C1QTNF2: variants seen among roughly 807,000 people sequenced by gnomAD.
C1QTNF2 encodes the protein C1q and TNF related 2, also known as complement C1q tumor necrosis factor-related protein 2.
A neutral mutation model predicts 17.4 loss-of-function variants in C1QTNF2; 15 were observed. That is an observed-to-expected ratio of 0.86 (90% CI 0.58 to 1.33). The LOEUF (loss-of-function observed/expected upper bound fraction) is 1.33. Ranked by LOEUF, C1QTNF2 falls within the 40% of genes most tolerant of loss-of-function variation. The probability of loss-of-function intolerance (pLI) is 0.00; values close to 1 mark genes in which losing one functional copy is unlikely to be tolerated. For missense variants in C1QTNF2, 381 were observed against 392.3 expected (o/e 0.97, Z 0.24); for synonymous variants, 154 against 163.3 (o/e 0.94, Z 0.44).
chr5:160,367,915 A>AT (rs1296303432), intron 1 of C1QTNF2, among the ~76,000 whole-genome samples: 106 of 152,320 alleles, frequency 7.0e-4, no homozygotes, highest in African/African-American at 2.5e-3. Context: ...TTTGATGTTC[A>AT]TATCTCCTTT....
chr5:160,368,797 G>A (rs1042848982), intron 1 of C1QTNF2, among the ~76,000 whole-genome samples: 1 of 133,048 alleles, frequency 7.5e-6, no homozygotes, highest in Non-Finnish European at 1.7e-5. Context: ...TAGCGAGACA[G>A]GGGGGAGGAA....
At chr5:160,364,040 A>C (rs1047795156) in intron 1 of C1QTNF2, among the ~76,000 whole-genome samples, 4 of 152,262 alleles carry the variant, frequency 2.6e-5, no homozygotes, top group Non-Finnish European at 4.4e-5. Context: ...AAAAAAGTAA[A>C]AAAGAAACAG....
chr5:160,370,573 G>T lies in C1QTNF2; in HGVS notation c.-71C>A. The T allele has an allele frequency of 6.9e-7, 1 of 1,445,576 alleles. No individual in the cohort carries two copies. The allele number at this position is 1,445,576 out of a possible 1,614,324, so 89.5% of individuals were successfully genotyped here. On this transcript the variant is annotated 5_prime_UTR_variant, in exon 1 of 3. Transcript: ENST00000652664. The stretch of plus-strand genomic sequence containing the variant: ...GCAAAGAAGCTCTCGGCGGGGCTCC[G>T]CGTCCCGGCTTTCCTCAGCGGCAGC...
chr5:160,367,506 C>T (rs867554416), intron 1 of C1QTNF2, among the ~76,000 whole-genome samples: 6 of 152,074 alleles, frequency 3.9e-5, no homozygotes, highest in South Asian at 4.1e-4. Flanking sequence ...TGAGTGGTGT[C>T]GTTACATTAA....
chr5:160,349,428 C>T lies in C1QTNF2; in HGVS notation c.598G>A (p.Asp200Asn), dbSNP rs752487351. The T allele has an allele frequency of 1.5e-5, 25 of 1,613,960 alleles. No individual in the cohort carries two copies. The highest frequency in any genetic ancestry group is 1.3e-4 in the South Asian group (12 of 91,078). Residue 200 changes from aspartate (D) to asparagine (N), a missense_variant, in exon 3 of 3, where the codon GAC becomes AAC. By Grantham distance (23) the Asp-to-Asn change is conservative. Coordinates refer to ENST00000652664, the MANE Select transcript of C1QTNF2 (RefSeq NM_031908.6). This position sits in a 1 kb window ranked among gnomAD's most constrained non-coding sequence, Gnocchi z 4.3. ...AGGTGCTTGTTGGCCAGCGTGATGT[C>T]GTAGGTGAAGTAGTAGATCCCAGGC... ...GVPGIYYFTY[D>N]ITLANKHLAI...
At chr5:160,368,739 A>G (rs1045039735) in intron 1 of C1QTNF2, among the ~76,000 whole-genome samples, 1 of 152,106 alleles carries the variant, frequency 6.6e-6, no homozygotes, top group African/African-American at 2.4e-5. Context: ...AGTGATTGAG[A>G]CAGCAGGAGA....
intron 1 of C1QTNF2, among the ~76,000 whole-genome samples, chr5:160,368,302 G>A (rs1370981392): frequency 1.3e-5 from 2 of 152,160 alleles, no homozygotes; most frequent in Non-Finnish European, 2.9e-5. Context: ...GGGAGGCCGA[G>A]GCGGGCGGAT....
chr5:160,354,166 T>C (rs1763981137), intron 2 of C1QTNF2, among the ~76,000 whole-genome samples: 1 of 152,164 alleles, frequency 6.6e-6, no homozygotes, highest in Non-Finnish European at 1.5e-5. Context: ...TTTCTGTCAC[T>C]TGCAATTATC....
intron 1 of C1QTNF2, chr5:160,355,403 TA>T (rs1327521885): frequency 4.0e-6 from 1 of 250,818 alleles, no homozygotes; most frequent in African/African-American, 2.3e-5. Flanking sequence ...AATAGAAAGT[TA>T]CAGTTCTACA....
rs779883663 is a variant in C1QTNF2 at position 160,354,888 on chromosome 5, G to C, written c.124C>G (p.Gln42Glu). The C allele has an allele frequency of 1.8e-5, 29 of 1,605,510 alleles. No individual in the cohort carries two copies. The East Asian group carries it at 6.3e-4, about 35-fold the overall frequency. Residue 42 changes from glutamine (Q) to glutamate (E), a missense_variant, in exon 2 of 3, where the codon CAG (glutamine) becomes GAG (glutamate). Gln to Glu is a conservative substitution (Grantham distance 29). Transcript: ENST00000652664. ...GCTCCTGGGGGGCCGGGTGGGCCCT[G>C]GGGGCCAGGCAGGCTGCAGACCAGT... ...PQLVCSLPGP[Q>E]GPPGPPGAPG...
rs769057688 is a variant in C1QTNF2, at chr5:160,349,385, T to C, written c.641A>G (p.His214Arg). 4.3e-6 allele frequency: 7 copies of C among 1,614,142 alleles called. No homozygotes were observed. Among genetic ancestry groups the C allele is most frequent in the Middle Eastern group, 1.6e-4 (1 of 6,062 alleles). Reference protein sequence around the residue: ...ANKHLAIGLVHNGQYRIRTFD... With the variant: ...ANKHLAIGLVRNGQYRIRTFD... ...GGTCCGGATGCGGTACTGGCCGTTG[T>C]GCACCAGGCCGATGGCCAGGTGCTT... Residue 214 changes from histidine to arginine, a missense_variant, in exon 3 of 3, where the codon CAC (histidine) becomes CGC (arginine). His to Arg is a conservative substitution (Grantham distance 29, BLOSUM62 0). Coordinates refer to ENST00000652664, the MANE Select transcript of C1QTNF2 (RefSeq NM_031908.6). This position sits in a 1 kb window ranked among gnomAD's most constrained non-coding sequence, Gnocchi z 4.3.
chr5:160,354,918 G>A lies in C1QTNF2; in HGVS notation c.94C>T (p.Pro32Ser). 1 of 1,600,732 alleles carries A rather than the reference G, an allele frequency of 6.2e-7. No individual in the cohort carries two copies. The highest frequency in any genetic ancestry group is 8.5e-7 in the Non-Finnish European group (1 of 1,174,080). The stretch of plus-strand genomic sequence containing the variant: ...CCAGGCAGGCTGCAGACCAGTTGAG[G>A]GGAGCCTTTCCGGAAGTCCCTGCGA... Reference protein sequence around the residue: ...FARRDFRKGSPQLVCSLPGPQ... With the variant: ...FARRDFRKGSSQLVCSLPGPQ... Residue 32 changes from proline to serine, a missense_variant, in exon 2 of 3, where the codon CCT becomes TCT. Transcript: ENST00000652664.
intron 1 of C1QTNF2, among the ~76,000 whole-genome samples, chr5:160,368,699 C>A (rs1243099796): frequency 2.0e-5 from 3 of 152,036 alleles, no homozygotes; most frequent in Non-Finnish European, 1.5e-5. Flanking sequence ...TCTGTTACCC[C>A]ACAGTGAACA....
In C1QTNF2 at chr5:160,347,850, C is replaced by A. The variant is rs1020901799; in HGVS notation, c.*1318G>T. 6.6e-6 allele frequency: 1 copy of A among 151,644 alleles called. No individual in the cohort carries two copies. Among genetic ancestry groups the A allele is most frequent in the Non-Finnish European group, 1.5e-5 (1 of 67,962 alleles). 9.4% of individuals were successfully genotyped at this position (151,644 alleles called of 1,614,324 possible). Reference sequence around the variant, plus strand: ...TCTCAGCTAACTGCAACCTCCACCTCCTGGGTTCAAGCGATTCTCCCGCCT... The same window carrying A: ...TCTCAGCTAACTGCAACCTCCACCTACTGGGTTCAAGCGATTCTCCCGCCT... On this transcript the variant is annotated 3_prime_UTR_variant, in exon 3 of 3. Coordinates refer to ENST00000652664, the MANE Select transcript of C1QTNF2 (RefSeq NM_031908.6).
At chr5:160,359,950 A>AC (rs951429493) in intron 1 of C1QTNF2, among the ~76,000 whole-genome samples, 9 of 97,494 alleles carry the variant, frequency 9.2e-5, no homozygotes, top group African/African-American at 1.1e-4. Context: ...CCCAGCACCC[A>AC]CCCCCCCTAC....
intron 1 of C1QTNF2, among the ~76,000 whole-genome samples, chr5:160,362,637 A>C (rs1254849764): frequency 6.6e-6 from 1 of 152,118 alleles, no homozygotes; most frequent in Admixed American, 6.5e-5. Flanking sequence ...TCCCCAGCCC[A>C]CCGGTATTAT....
Position 160,349,724 on chromosome 5 carries a change from G to A in C1QTNF2, c.302C>T (p.Ala101Val), listed in dbSNP as rs766381466. 6.4e-7 allele frequency: 1 copy of A among 1,562,462 alleles called. No individual in the cohort carries two copies. The highest frequency in any genetic ancestry group is 2.2e-5 in the East Asian group (1 of 44,724). Reference sequence around the variant, plus strand: ...GCCACGGGGGCCAGCCCGCCCAATGGCCCCGGCTTTGCCCTTTGGTCCTGG... The same window carrying A: ...GCCACGGGGGCCAGCCCGCCCAATGACCCCGGCTTTGCCCTTTGGTCCTGG... ...GKPGPKGKAG[A>V]IGRAGPRGPK... Residue 101 changes from alanine to valine, a missense_variant, in exon 3 of 3, where the codon GCC becomes GTC. Physicochemically the swap from Ala to Val is moderately conservative, Grantham distance 64. Coordinates refer to ENST00000652664, the MANE Select transcript of C1QTNF2 (RefSeq NM_031908.6). This position sits in a 1 kb window ranked among gnomAD's most constrained non-coding sequence, Gnocchi z 4.3.
intron 1 of C1QTNF2, among the ~76,000 whole-genome samples, chr5:160,365,022 C>T (rs1442654214): frequency 6.6e-6 from 1 of 152,188 alleles, no homozygotes; most frequent in Admixed American, 6.5e-5. Context: ...AGTTGCTGCT[C>T]CTGTAGGGCC....
At chr5:160,360,123 T>C (rs1335822839) in intron 1 of C1QTNF2, among the ~76,000 whole-genome samples, 2 of 152,234 alleles carry the variant, frequency 1.3e-5, no homozygotes, top group East Asian at 1.9e-4. Flanking sequence ...CAGCGCCCGC[T>C]TTCTGCAAGC....
Sources: gnomAD v4.1 joint callset for allele counts (sites outside exome capture counted in the v4.1 genomes callset) on GRCh38, gnomAD v4.1.1 for gene constraint, Gnocchi (gnomAD v3.1) non-coding constraint, MANE v1.5 for transcripts, NCBI Gene and HGNC (gene_info 2026-07-23, HGNC 2026-07-21) for gene names.